PCLO: variants seen among roughly 807,000 people sequenced by gnomAD.
PCLO encodes piccolo presynaptic cytomatrix protein, also known as protein piccolo.
PCLO carries 82 observed loss-of-function variants against 427.5 expected under a neutral mutation model. The observed-to-expected ratio is 0.19, with a 90% confidence interval of 0.16 to 0.23. The LOEUF is 0.23. Ranked by LOEUF, PCLO falls within the 10% of genes least tolerant of loss-of-function variation. The pLI is 1.00. For synonymous variants in PCLO, 2,357 were observed against 2,155.4 expected (o/e 1.09, Z -2.59); for missense variants, 6,239 against 6,115.9 (o/e 1.02, Z -0.67).
At chr7:82,855,516 A>T (rs1394298957) in intron 10 of PCLO, among the ~76,000 whole-genome samples, 1 of 152,208 alleles carries the variant, frequency 6.6e-6, no homozygotes, top group East Asian at 1.9e-4. Context: ...TGCCATTTAA[A>T]TTGCAACATA....
chr7:83,119,439 C>T (rs935192225), intron 3 of PCLO, among the ~76,000 whole-genome samples: 31 of 151,894 alleles, frequency 2.0e-4, no homozygotes, highest in African/African-American at 6.5e-4. Flanking sequence ...TCACAGTCTC[C>T]AAGAGTCACA....
chr7:82,916,194 A>G lies in PCLO; in HGVS notation c.11792T>C (p.Val3931Ala). 2 of 1,613,696 alleles carry G rather than the reference A, an allele frequency of 1.2e-6. No individual in the cohort carries two copies. The highest frequency in any genetic ancestry group is 1.3e-5 in the African/African-American group (1 of 75,028). ...PYQTQPTFQA[V>A]ATMSFTPQVQ... is the part of the protein sequence containing the mutation. ...TTGAGGTGTGAAGGACATTGTTGCCACAGCTTGGAATGTTGGCTGAGTCTG... is the reference window on the plus strand; with the variant it reads ...TTGAGGTGTGAAGGACATTGTTGCCGCAGCTTGGAATGTTGGCTGAGTCTG... Residue 3931 changes from valine (V) to alanine (A), a missense_variant, in exon 7 of 25, where the codon GTG (valine) becomes GCG (alanine). By Grantham distance (64) the Val-to-Ala change is moderately conservative. Around this residue, in one of 5 missense-constraint regions of PCLO, gnomAD observed 680 missense variants for 677.3 expected, o/e 1.00. Coordinates refer to ENST00000333891, the MANE Select transcript of PCLO (RefSeq NM_033026.6).
At chr7:82,998,547 A>C (rs1787692664) in intron 3 of PCLO, among the ~76,000 whole-genome samples, 1 of 151,810 alleles carries the variant, frequency 6.6e-6, no homozygotes, top group Non-Finnish European at 1.5e-5. Flanking sequence ...AAAAGAAAAT[A>C]CCTAACTCCA....
intron 3 of PCLO, among the ~76,000 whole-genome samples, chr7:83,036,597 G>C (rs1788802486): frequency 6.6e-6 from 1 of 152,030 alleles, no homozygotes; most frequent in Non-Finnish European, 1.5e-5. Flanking sequence ...ATCCTGAAAT[G>C]TGTTGGGGGG....
chr7:82,950,501 C>A lies in PCLO; in HGVS notation c.10087G>T (p.Val3363Leu), dbSNP rs1410547504. Reference protein sequence around the residue: ...EDATTTASAVVAIEIPQSQGW... With the variant: ...EDATTTASAVLAIEIPQSQGW... ...TGGCTTTGTGGTATTTCAATTGCCA[C>A]AACAGCTGAAGCTGTGGTGGTTGCA... Residue 3363 changes from valine to leucine, a missense_variant, in exon 6 of 25, where the codon GTG (valine) becomes TTG (leucine). By Grantham distance (32) the Val-to-Leu change is conservative. Transcript: ENST00000333891. 10 of 1,613,726 alleles carry A rather than the reference C, an allele frequency of 6.2e-6. No individual in the cohort carries two copies. The highest frequency in any genetic ancestry group is 8.5e-6 in the Non-Finnish European group (10 of 1,179,858).
intron 21 of PCLO, 138 bp from the exon 22 acceptor site, chr7:82,801,729 A>C (rs1791358170): frequency 3.3e-6 from 2 of 600,014 alleles, no homozygotes; most frequent in African/African-American, 3.7e-5. Flanking sequence ...ATATTTTTGG[A>C]CTTGCAATAA....
intron 4 of PCLO, among the ~76,000 whole-genome samples, chr7:82,963,680 C>A (rs1216936555): frequency 6.6e-6 from 1 of 152,014 alleles, no homozygotes; most frequent in Non-Finnish European, 1.5e-5. Context: ...AGTGCTCTCT[C>A]TAAAATATCA....
At chr7:83,087,439 C>T (rs968364608) in intron 3 of PCLO, among the ~76,000 whole-genome samples, 1 of 151,434 alleles carries the variant, frequency 6.6e-6, no homozygotes, top group Admixed American at 6.6e-5. Flanking sequence ...ACCACTTGTA[C>T]CCCAAAAGGT....
intron 22 of PCLO, among the ~76,000 whole-genome samples, chr7:82,766,059 C>G (rs150455051): frequency 2.2e-4 from 34 of 152,122 alleles, no homozygotes; most frequent in African/African-American, 8.2e-4. Context: ...ACAGATATCA[C>G]AAAATCTTGT....
intron 10 of PCLO, among the ~76,000 whole-genome samples, chr7:82,851,115 T>G (rs1792642276): frequency 6.6e-6 from 1 of 152,116 alleles, no homozygotes; most frequent in South Asian, 2.1e-4. Flanking sequence ...ATTATTTTAA[T>G]GAGAATGCAC....
intron 3 of PCLO, among the ~76,000 whole-genome samples, chr7:82,984,095 T>C (rs1215379116): frequency 1.3e-5 from 2 of 151,978 alleles, no homozygotes; most frequent in Non-Finnish European, 2.9e-5. Flanking sequence ...TCTATAATCA[T>C]AATATCTAAC....
intron 3 of PCLO, among the ~76,000 whole-genome samples, chr7:83,035,005 G>C (rs1788759130): frequency 6.6e-6 from 1 of 152,152 alleles, no homozygotes; most frequent in South Asian, 2.1e-4. Flanking sequence ...TCAAATTTAT[G>C]TGTGTATTTC....
rs573459682 is a variant in PCLO, at chr7:82,951,218, C to T, written c.9370G>A (p.Ala3124Thr). The change falls in exon 6 of 25, where the codon GCT becomes ACT. Residue 3124 changes from alanine to threonine, a missense_variant. Coordinates refer to ENST00000333891, the MANE Select transcript of PCLO (RefSeq NM_033026.6). ...GCAGGTAATGAAGTCACTGCATCAG[C>T]CGTATGAATACCAGACAAATCCCTC... ...TVRDLSGIHT[A>T]DAVTSLPAMH... The T allele has an allele frequency of 3.7e-6, 6 of 1,613,498 alleles. No individual in the cohort carries two copies. In the African/African-American group the frequency reaches 6.7e-5, roughly 18 times the overall value.
intron 3 of PCLO, among the ~76,000 whole-genome samples, chr7:83,038,075 A>ATATT (rs1562933264): frequency 6.2e-5 from 3 of 48,416 alleles, no homozygotes; most frequent in South Asian, 1.4e-3. Flanking sequence ...TTATATATTT[A>ATATT]TATATATATC....
At chr7:82,976,408 C>T (rs1431763842) in intron 3 of PCLO, among the ~76,000 whole-genome samples, 1 of 152,158 alleles carries the variant, frequency 6.6e-6, no homozygotes, top group East Asian at 1.9e-4. Context: ...CCAGCTTTCA[C>T]AACTGTGTAT....
chr7:82,905,466 C>T (rs1794166327), intron 8 of PCLO, among the ~76,000 whole-genome samples: 1 of 151,870 alleles, frequency 6.6e-6, no homozygotes, highest in Non-Finnish European at 1.5e-5. Flanking sequence ...TTCCTAGCAC[C>T]GTATGCATAT....
intron 4 of PCLO, among the ~76,000 whole-genome samples, chr7:82,957,657 T>C (rs1217246983): frequency 6.6e-6 from 1 of 152,216 alleles, no homozygotes; most frequent in African/African-American, 2.4e-5. Context: ...ACTCATCAGT[T>C]CAGTTAAAGA....
chr7:83,085,836 T>A lies in PCLO; in HGVS notation c.3300+48414A>T, dbSNP rs575928130. On this transcript the variant is annotated intron_variant, in intron 3 of 24. Coordinates refer to ENST00000333891, the MANE Select transcript of PCLO (RefSeq NM_033026.6). ...TTTATTTGCAGGACTGTGGCCCAGATAAAATTTTCATTTGTGGTATTATAG... is the reference window on the plus strand; with the variant it reads ...TTTATTTGCAGGACTGTGGCCCAGAAAAAATTTTCATTTGTGGTATTATAG... Among the ~76,000 whole-genome samples the A allele has an allele frequency of 5.3e-5, 8 of 152,298 alleles. No individual in the cohort carries two copies. In the East Asian group the frequency reaches 1.5e-3, roughly 29 times the overall value.
intron 16 of PCLO, among the ~76,000 whole-genome samples, chr7:82,829,682 A>G (rs1051294423): frequency 6.6e-6 from 1 of 152,156 alleles, no homozygotes; most frequent in Non-Finnish European, 1.5e-5. Context: ...TAAATTTGTC[A>G]ATATCTAGTG....
Sources: gnomAD v4.1 joint callset for allele counts (sites outside exome capture counted in the v4.1 genomes callset) on GRCh38, gnomAD v4.1.1 for gene constraint, gnomAD v4.1.1 regional missense constraint, MANE v1.5 for transcripts, NCBI Gene and HGNC (gene_info 2026-07-23, HGNC 2026-07-21) for gene names.